The following EPN2 variants were observed in gnomAD, a reference collection of about 807,000 sequenced individuals.
The protein encoded by EPN2 is epsin-2.
A neutral mutation model predicts 61.7 loss-of-function variants in EPN2; 34 were observed. The ratio of observed to expected loss-of-function variants is 0.55; its 90% confidence interval spans 0.42 to 0.73. The LOEUF is 0.73. Ranked by LOEUF, EPN2 falls within the 30% of genes least tolerant of loss-of-function variation. The pLI, the probability that EPN2 is intolerant of heterozygous loss-of-function variation, is 0.00. For synonymous variants in EPN2, 349 were observed against 353.6 expected (o/e 0.99, Z 0.15); for missense variants, 714 against 839.2 (o/e 0.85, Z 1.84).
At chr17:19,310,355 A>G (rs1254242494) in intron 5 of EPN2, among the ~76,000 whole-genome samples, 18 of 152,252 alleles carry the variant, frequency 1.2e-4, no homozygotes, top group Non-Finnish European at 2.6e-4. Context: ...GGGTGGGCGC[A>G]GGGATGCAGG....
chr17:19,263,031 GC>G (rs1337711257), intron 1 of EPN2, among the ~76,000 whole-genome samples: 1 of 152,230 alleles, frequency 6.6e-6, no homozygotes, highest in Non-Finnish European at 1.5e-5. Context: ...GAGTAACACA[GC>G]TGTGAACATG....
chr17:19,313,339 GTGCTTCT>G, intron 7 of EPN2, 60 bp downstream of exon 7: 1 of 1,449,506 alleles, frequency 6.9e-7, no homozygotes, highest in Non-Finnish European at 9.2e-7. Context: ...GGGCAGGGCA[GTGCTTCT>G]TGCTGTCTCT....
chr17:19,255,388 T>A (rs2045063201), intron 1 of EPN2, among the ~76,000 whole-genome samples: 1 of 152,014 alleles, frequency 6.6e-6, no homozygotes, highest in African/African-American at 2.4e-5. Context: ...GCCTTCTGGC[T>A]CAACTCCTCC....
chr17:19,302,920 C>T (rs1377068173), intron 4 of EPN2, among the ~76,000 whole-genome samples: 1 of 152,180 alleles, frequency 6.6e-6, no homozygotes, highest in African/African-American at 2.4e-5. Context: ...AGGCTGATGA[C>T]ACTCGGCCTG....
intron 7 of EPN2, among the ~76,000 whole-genome samples, chr17:19,327,090 T>C (rs778424263): frequency 2.8e-4 from 42 of 152,204 alleles, no homozygotes; most frequent in Non-Finnish European, 5.9e-4. Context: ...TGGCACCCAC[T>C]GCTGGATGGA....
Position 19,283,132 on chromosome 17 carries a change from T to C in EPN2, c.13T>C (p.Ser5Pro). The change falls in exon 3 of 11, where the codon TCT (serine) becomes CCT (proline). Residue 5 changes from serine (S) to proline (P), a missense_variant. Coordinates refer to ENST00000314728, the MANE Select transcript of EPN2 (RefSeq NM_014964.5). The surrounding 1 kb of genome is among the most constrained non-coding windows in gnomAD (Gnocchi z 7.0). MTTSSIRRQMKNIVN... is the reference protein window; with the variant it reads MTTSPIRRQMKNIVN... Reference sequence around the variant, plus strand: ...AAAGAAAATAAAAATGACGACTTCGTCTATCAGACGGCAGATGAAAAACAT... The same window carrying C: ...AAAGAAAATAAAAATGACGACTTCGCCTATCAGACGGCAGATGAAAAACAT... The C allele has an allele frequency of 1.2e-6, 2 of 1,606,254 alleles. No homozygotes were observed. The highest frequency in any genetic ancestry group is 1.7e-6 in the Non-Finnish European group (2 of 1,176,742).
chr17:19,272,112 C>T (rs999328839), intron 1 of EPN2, among the ~76,000 whole-genome samples: 1 of 152,194 alleles, frequency 6.6e-6, no homozygotes, highest in Non-Finnish European at 1.5e-5. Flanking sequence ...CTCGGCCTGT[C>T]CTGTGGGGTG....
At position 19,331,844 on chromosome 17, in the gene EPN2, G is replaced by A; in HGVS notation, c.1412-9G>A. 1 of 1,613,106 alleles carries A rather than the reference G, an allele frequency of 6.2e-7. No individual in the cohort carries two copies. The highest frequency in any genetic ancestry group is 8.5e-7 in the Non-Finnish European group (1 of 1,179,094). ...CACTCACCCTGCCATATGTGTCCTT[G>A]TCTTGTAGCCGAATCTGTGACCTCT... On this transcript the variant is annotated splice_polypyrimidine_tract_variant and intron_variant, in intron 9 of 10. Coordinates refer to ENST00000314728, the MANE Select transcript of EPN2 (RefSeq NM_014964.5).
At chr17:19,328,201 C>T (rs574152681) in intron 7 of EPN2, among the ~76,000 whole-genome samples, 9 of 152,250 alleles carry the variant, frequency 5.9e-5, no homozygotes, top group Non-Finnish European at 8.8e-5. Flanking sequence ...ATACAGGACT[C>T]ATCCATTTAT....
At chr17:19,319,846 C>T (rs1906561963) in intron 7 of EPN2, among the ~76,000 whole-genome samples, 1 of 152,194 alleles carries the variant, frequency 6.6e-6, no homozygotes, top group African/African-American at 2.4e-5. Flanking sequence ...CAGGGTTTCA[C>T]CATAGTGACC....
chr17:19,300,427 C>CTTTTTT lies in EPN2; in HGVS notation c.767-9444_767-9439dup, dbSNP rs72338416. On this transcript the variant is annotated intron_variant, in intron 4 of 10. Coordinates refer to ENST00000314728, the MANE Select transcript of EPN2 (RefSeq NM_014964.5). ...TACATAAAAACAATAAACTGTAAAT[C>CTTTTTT]TTTTTTTTTTTTTTTTTTTGGAGAC... Among the ~76,000 whole-genome samples, 15 of 108,930 alleles carry CTTTTTT rather than the reference C, an allele frequency of 1.4e-4. 2 individuals carry two copies. The highest frequency in any genetic ancestry group is 3.1e-4 in the East Asian group (1 of 3,246). 71.5% of individuals were successfully genotyped at this position (108,930 alleles called of 152,430 possible).
chr17:19,309,541 T>C (rs1388139089), intron 4 of EPN2, among the ~76,000 whole-genome samples: 1 of 152,158 alleles, frequency 6.6e-6, no homozygotes, highest in Non-Finnish European at 1.5e-5. Flanking sequence ...AGCTATACTT[T>C]GGGTCTTTGA....
chr17:19,305,385 A>G (rs1905786538), intron 4 of EPN2, among the ~76,000 whole-genome samples: 1 of 152,102 alleles, frequency 6.6e-6, no homozygotes, highest in African/African-American at 2.4e-5. Flanking sequence ...GGTCTCCCAA[A>G]GTGCTGTGAC....
chr17:19,256,123 G>GA (rs1391326402), intron 1 of EPN2, among the ~76,000 whole-genome samples: 1 of 151,820 alleles, frequency 6.6e-6, no homozygotes, highest in Admixed American at 6.6e-5. Context: ...ATTTTTAGTA[G>GA]AGACGGGGTT....
intron 1 of EPN2, among the ~76,000 whole-genome samples, chr17:19,252,227 G>T (rs4924777): frequency 6.8e-4 from 104 of 152,286 alleles, no homozygotes; most frequent in Admixed American, 6.3e-3. Flanking sequence ...GGGGCCTTTT[G>T]TGTGCCTTCT....
intron 5 of EPN2, among the ~76,000 whole-genome samples, chr17:19,311,095 AT>A (rs1457292049): frequency 6.6e-6 from 1 of 152,108 alleles, no homozygotes; most frequent in South Asian, 2.1e-4. Flanking sequence ...GGATAGTTAG[AT>A]TTGAGTACTG....
intron 1 of EPN2, among the ~76,000 whole-genome samples, chr17:19,238,237 C>A (rs1292447104): frequency 6.6e-6 from 1 of 152,230 alleles, no homozygotes; most frequent in Non-Finnish European, 1.5e-5. Context: ...CTCGGCTGAT[C>A]CGGGTGGGTG....
Position 19,282,926 on chromosome 17 carries a change from G to A in EPN2, c.-170-24G>A, listed in dbSNP as rs1437054710. On this transcript the variant is annotated intron_variant, in intron 2 of 10. Coordinates refer to ENST00000314728, the MANE Select transcript of EPN2 (RefSeq NM_014964.5). ...CCTCACAGGGGGCTTACGTCGCAGTGGAATGGGTTTTCTCTTTCTCTAGGT... is the reference window on the plus strand; with the variant it reads ...CCTCACAGGGGGCTTACGTCGCAGTAGAATGGGTTTTCTCTTTCTCTAGGT... The A allele has an allele frequency of 8.9e-6, 5 of 563,624 alleles. No homozygotes were observed. The African/African-American group carries it at 9.4e-5, about 11-fold the overall frequency. 34.9% of individuals were successfully genotyped at this position (563,624 alleles called of 1,614,324 possible).
intron 7 of EPN2, among the ~76,000 whole-genome samples, chr17:19,317,875 A>G (rs1906461912): frequency 6.6e-6 from 1 of 152,086 alleles, no homozygotes; most frequent in Admixed American, 6.6e-5. Context: ...GCTGGCCCTC[A>G]GGGAATGATT....
Sources: allele counts gnomAD v4.1 joint callset (sites outside exome capture counted in the v4.1 genomes callset), GRCh38; gene constraint gnomAD v4.1.1; non-coding constraint Gnocchi (gnomAD v3.1); transcripts MANE v1.5; gene names NCBI Gene and HGNC (gene_info 2026-07-23, HGNC 2026-07-21).